Variants in HEMK2 observed in about 807,000 individuals in gnomAD.
HEMK2 encodes the protein HemK methyltransferase 2, ETF1 glutamine and histone H4 lysine.
chr21:28,626,209 T>C, the HEMK2 span, among the ~76,000 whole-genome samples: 2 of 152,130 alleles, frequency 1.3e-5, no homozygotes, highest in South Asian at 2.1e-4. Flanking sequence ...GAGTAGAAAA[T>C]AGAATTAAAC....
At chr21:28,647,521 A>AG in the HEMK2 span, among the ~76,000 whole-genome samples, 8 of 150,174 alleles carry the variant, frequency 5.3e-5, no homozygotes, top group South Asian at 2.1e-4. Flanking sequence ...AAAAAAAAAA[A>AG]AAAAGAAAAA....
the HEMK2 span, among the ~76,000 whole-genome samples, chr21:28,809,324 A>G: frequency 1.3e-5 from 2 of 152,212 alleles, no homozygotes; most frequent in Admixed American, 6.5e-5. Context: ...TATCAGTAAC[A>G]TAATAACAGA....
At chr21:28,665,745 C>T in the HEMK2 span, among the ~76,000 whole-genome samples, 1 of 151,494 alleles carries the variant, frequency 6.6e-6, no homozygotes, top group Non-Finnish European at 1.5e-5. Context: ...GGTATATACC[C>T]AAAGGACTAT....
the HEMK2 span, chr21:28,626,787 A>C: frequency 6.6e-6 from 1 of 152,226 alleles, no homozygotes; most frequent in Non-Finnish European, 1.5e-5. Flanking sequence ...AAAGATGCTC[A>C]AGGTCACTAA....
chr21:28,593,465 G>A, the HEMK2 span, among the ~76,000 whole-genome samples: 2 of 152,130 alleles, frequency 1.3e-5, no homozygotes, highest in Admixed American at 6.5e-5. Context: ...AACATCACAT[G>A]AGCAATGAGT....
chr21:28,840,986 G>A, the HEMK2 span, among the ~76,000 whole-genome samples: 16 of 109,126 alleles, frequency 1.5e-4, no homozygotes, highest in Non-Finnish European at 1.8e-5. Context: ...AAGACACTGT[G>A]ATAGATACAT....
chr21:28,831,682 AGAAGGAAG>A, the HEMK2 span, among the ~76,000 whole-genome samples: 16 of 20,324 alleles, frequency 7.9e-4, 1 homozygote, highest in African/African-American at 1.3e-3. Flanking sequence ...AAAGAAAGAA[AGAAGGAAG>A]GAAGGAAGGA....
chr21:28,811,571 T>C, the HEMK2 span, among the ~76,000 whole-genome samples: 3 of 152,276 alleles, frequency 2.0e-5, no homozygotes, highest in East Asian at 5.8e-4. Flanking sequence ...CTTTGGCATA[T>C]TCCAACCCAA....
chr21:28,750,314 A>C, the HEMK2 span, among the ~76,000 whole-genome samples: 2 of 152,142 alleles, frequency 1.3e-5, no homozygotes, highest in Non-Finnish European at 2.9e-5. Flanking sequence ...ACAGTGTAGA[A>C]CATCCCAGTA....
the HEMK2 span, among the ~76,000 whole-genome samples, chr21:28,759,165 T>A: frequency 8.5e-5 from 13 of 152,312 alleles, no homozygotes; most frequent in East Asian, 2.5e-3. Flanking sequence ...TTAAAATTCT[T>A]GACAGTTTAT....
At chr21:28,789,304 T>C in the HEMK2 span, among the ~76,000 whole-genome samples, 1 of 152,108 alleles carries the variant, frequency 6.6e-6, no homozygotes, top group Non-Finnish European at 1.5e-5. Flanking sequence ...TAAGATTGGC[T>C]GTGAGGTGCT....
At chr21:28,614,634 AG>A in the HEMK2 span, among the ~76,000 whole-genome samples, 4 of 152,180 alleles carry the variant, frequency 2.6e-5, no homozygotes, top group South Asian at 8.3e-4. Context: ...ATTTTTTGGA[AG>A]AAAAAGTCCT....
chr21:28,765,176 G>A, the HEMK2 span, among the ~76,000 whole-genome samples: 1 of 152,064 alleles, frequency 6.6e-6, no homozygotes, highest in Non-Finnish European at 1.5e-5. Context: ...GCAAGAAATG[G>A]AGGCCCTCAA....
chr21:28,872,341 C>T, the HEMK2 span: 1 of 152,196 alleles, frequency 6.6e-6, no homozygotes. Flanking sequence ...GGAGCAAACT[C>T]CTCGTGGCTC....
chr21:28,841,307 TA>T, the HEMK2 span, among the ~76,000 whole-genome samples: 1 of 9,538 alleles, frequency 1.0e-4, no homozygotes, highest in African/African-American at 8.1e-4. Context: ...ATATTATATA[TA>T]ATATATAATA....
At chr21:28,606,395 C>T in the HEMK2 span, among the ~76,000 whole-genome samples, 1 of 152,138 alleles carries the variant, frequency 6.6e-6, no homozygotes, top group Admixed American at 6.5e-5. Context: ...ATAAAGAAGC[C>T]AAATATGTGT....
chr21:28,727,079 A>G, the HEMK2 span, among the ~76,000 whole-genome samples: 21 of 152,244 alleles, frequency 1.4e-4, no homozygotes, highest in Middle Eastern at 3.4e-3. Context: ...TGGAAGTAGG[A>G]ACATGAAAAG....
chr21:28,647,582 C>T, the HEMK2 span, among the ~76,000 whole-genome samples: 2 of 151,262 alleles, frequency 1.3e-5, no homozygotes, highest in East Asian at 1.9e-4. Context: ...CTCCACCCAA[C>T]GTCACCTCCC....
the HEMK2 span, among the ~76,000 whole-genome samples, chr21:28,688,128 T>C: frequency 3.3e-5 from 5 of 152,180 alleles, no homozygotes; most frequent in Admixed American, 6.5e-5. Flanking sequence ...TCAACCAGGA[T>C]TCCATTCACA....
Sources: allele counts gnomAD v4.1 joint callset (sites outside exome capture counted in the v4.1 genomes callset), GRCh38; gene constraint gnomAD v4.1.1; transcripts MANE v1.5; gene names NCBI Gene and HGNC (gene_info 2026-07-23, HGNC 2026-07-21).